Variants in DACH1 observed in about 807,000 individuals in gnomAD.
DACH1 encodes dachshund homolog 1.
A neutral mutation model predicts 54.2 loss-of-function variants in DACH1; 12 were observed. The ratio of observed to expected loss-of-function variants is 0.22; its 90% CI spans 0.14 to 0.36. The LOEUF is 0.36. Among genes scored for constraint, DACH1 ranks in the 10% least tolerant of loss-of-function variants. The pLI, the probability that DACH1 is intolerant of heterozygous loss-of-function variation, is 1.00. For synonymous variants in DACH1, 386 were observed against 366.2 expected, an observed-to-expected ratio of 1.05 and a Z score of -0.62; for missense variants, 805 against 929.8, an observed-to-expected ratio of 0.87 and a Z score of 1.75.
intron 1 of DACH1, among the ~76,000 whole-genome samples, chr13:71,818,798 G>T (rs1400921601): frequency 1.3e-5 from 2 of 152,206 alleles, no homozygotes. Flanking sequence ...CAATAAAGAA[G>T]CTTAGTTTTG....
intron 1 of DACH1, among the ~76,000 whole-genome samples, chr13:71,848,007 T>C (rs1000025000): frequency 3.3e-5 from 5 of 152,196 alleles, no homozygotes; most frequent in Admixed American, 1.3e-4. Context: ...TCAAAATCAC[T>C]GTGCTGGGAG....
chr13:71,733,966 T>C (rs531964973), intron 1 of DACH1, among the ~76,000 whole-genome samples: 2 of 151,986 alleles, frequency 1.3e-5, no homozygotes, highest in East Asian at 3.9e-4. Flanking sequence ...GGAGAAGCAC[T>C]TGAACCTGGG....
chr13:71,839,956 T>A (rs1438346708), intron 1 of DACH1, among the ~76,000 whole-genome samples: 1 of 152,186 alleles, frequency 6.6e-6, no homozygotes, highest in African/African-American at 2.4e-5. Flanking sequence ...TATTTATTTT[T>A]ATTTTTTTGA....
chr13:71,816,619 CGT>C (rs371351823), intron 1 of DACH1, among the ~76,000 whole-genome samples: 89,702 of 137,828 alleles, frequency 0.65, 29,065 homozygotes, highest in East Asian at 0.87. Flanking sequence ...TATATATACA[CGT>C]GTATATATAC....
At chr13:71,757,273 C>A (rs1885204781) in intron 1 of DACH1, among the ~76,000 whole-genome samples, 1 of 151,870 alleles carries the variant, frequency 6.6e-6, no homozygotes, top group African/African-American at 2.4e-5. Flanking sequence ...GTTTTAATAC[C>A]CTAAATGCCA....
intron 1 of DACH1, among the ~76,000 whole-genome samples, chr13:71,761,832 CAAG>C (rs1442089150): frequency 6.6e-6 from 1 of 151,936 alleles, no homozygotes; most frequent in East Asian, 1.9e-4. Flanking sequence ...ATATTACTAT[CAAG>C]ATAAAGCCAT....
chr13:71,727,835 G>A (rs760469504), intron 1 of DACH1, among the ~76,000 whole-genome samples: 10 of 152,174 alleles, frequency 6.6e-5, no homozygotes, highest in Middle Eastern at 3.4e-3. Context: ...GCAGTTCTAA[G>A]CAAAGTAGTA....
intron 1 of DACH1, among the ~76,000 whole-genome samples, chr13:71,826,413 T>C (rs1467806759): frequency 6.6e-6 from 1 of 152,030 alleles, no homozygotes; most frequent in Non-Finnish European, 1.5e-5. Context: ...ACAAAACCAT[T>C]TCTTATGAGC....
At chr13:71,711,336 A>G (rs1400558441) in intron 1 of DACH1, among the ~76,000 whole-genome samples, 1 of 152,178 alleles carries the variant, frequency 6.6e-6, no homozygotes, top group Admixed American at 6.5e-5. Context: ...TTATCAGGGA[A>G]GGTCTCCACA....
At chr13:71,828,285 T>G (rs1296991243) in intron 1 of DACH1, among the ~76,000 whole-genome samples, 1 of 152,004 alleles carries the variant, frequency 6.6e-6, no homozygotes, top group East Asian at 1.9e-4. Context: ...TCAAAAGTGT[T>G]AAGCTGCGTT....
intron 1 of DACH1, among the ~76,000 whole-genome samples, chr13:71,846,723 G>A (rs573172413): frequency 6.6e-6 from 1 of 152,138 alleles, no homozygotes; most frequent in African/African-American, 2.4e-5. Flanking sequence ...GAGATTTCTT[G>A]GGTTCTATTA....
chr13:71,621,740 C>A (rs1014853171), intron 3 of DACH1, among the ~76,000 whole-genome samples: 4 of 152,036 alleles, frequency 2.6e-5, no homozygotes, highest in African/African-American at 9.7e-5. Context: ...GAGCTAAAGG[C>A]ATGGTCTGCG....
intron 3 of DACH1, among the ~76,000 whole-genome samples, chr13:71,584,128 C>T (rs1268659989): frequency 2.0e-5 from 3 of 152,206 alleles, no homozygotes; most frequent in South Asian, 2.1e-4. Context: ...GACTTGAGGT[C>T]GCCTGGGTAA....
At chr13:71,723,582 T>C (rs970811218) in intron 1 of DACH1, among the ~76,000 whole-genome samples, 1 of 152,174 alleles carries the variant, frequency 6.6e-6, no homozygotes, top group Non-Finnish European at 1.5e-5. Context: ...CGCAATAAAA[T>C]CTGTTTTTAG....
chr13:71,584,586 A>G (rs908045302), intron 3 of DACH1, among the ~76,000 whole-genome samples: 29 of 152,286 alleles, frequency 1.9e-4, no homozygotes, highest in African/African-American at 6.5e-4. Flanking sequence ...ACTTGGCTTA[A>G]TTTTTGAACT....
rs2138091942 is a variant in DACH1, at chr13:71,440,607, G to C, written c.*48C>G. On this transcript the variant is annotated 3_prime_UTR_variant, in exon 11 of 11. Coordinates refer to ENST00000613252, the MANE Select transcript of DACH1 (RefSeq NM_080759.6). The stretch of plus-strand genomic sequence containing the variant: ...CTGAACTTTCCCATGACGAATGTCT[G>C]ACTGCAAAGTTCTTTTCTATAACAT... The C allele has an allele frequency of 6.8e-7, 1 of 1,480,718 alleles. No individual in the cohort carries two copies. The highest frequency in any genetic ancestry group is 1.7e-4 in the Middle Eastern group (1 of 5,740). 91.7% of individuals were successfully genotyped at this position (1,480,718 alleles called of 1,614,324 possible). A position where few individuals can be genotyped will look rare whatever the true frequency, so the allele number is the denominator to read the frequency against.
At chr13:71,511,431 CT>C (rs1056619781) in intron 6 of DACH1, among the ~76,000 whole-genome samples, 3 of 151,900 alleles carry the variant, frequency 2.0e-5, no homozygotes, top group African/African-American at 7.2e-5. Context: ...AGGAAACCCT[CT>C]AGAATGGAGC....
chr13:71,697,686 C>T (rs1467895844), intron 1 of DACH1, among the ~76,000 whole-genome samples: 2 of 151,928 alleles, frequency 1.3e-5, no homozygotes, highest in Admixed American at 1.3e-4. Context: ...TTATTTAGTC[C>T]AGGGTTCTAG....
intron 1 of DACH1, among the ~76,000 whole-genome samples, chr13:71,749,853 T>A (rs1436671750): frequency 6.6e-6 from 1 of 152,098 alleles, no homozygotes; most frequent in Non-Finnish European, 1.5e-5. Context: ...ACAAGCATCA[T>A]GAGGGTGAGA....
Sources: gnomAD v4.1 joint callset for allele counts (sites outside exome capture counted in the v4.1 genomes callset) on GRCh38, gnomAD v4.1.1 for gene constraint, MANE v1.5 for transcripts, NCBI Gene and HGNC (gene_info 2026-07-23, HGNC 2026-07-21) for gene names.